Variants in DMXL1 observed in about 807,000 individuals in gnomAD.
The protein encoded by DMXL1 is Dmx like 1.
A neutral mutation model predicts 319.2 loss-of-function variants in DMXL1; 99 were observed. That is an observed-to-expected ratio of 0.31 (90% CI 0.26 to 0.37). The LOEUF (loss-of-function observed/expected upper bound fraction) is 0.37. DMXL1 is among the 10% of genes least tolerant of loss of function. The pLI, the probability that DMXL1 is intolerant of heterozygous loss-of-function variation, is 1.00. For synonymous variants in DMXL1, 1,385 were observed against 1,235.2 expected, an observed-to-expected ratio of 1.12 and a Z score of -2.54; for missense variants, 3,745 against 3,595.6, an observed-to-expected ratio of 1.04 and a Z score of -1.06.
intron 25 of DMXL1, among the ~76,000 whole-genome samples, chr5:119,174,771 T>C (rs1398383357): frequency 6.6e-6 from 1 of 151,534 alleles, no homozygotes; most frequent in African/African-American, 2.4e-5. Context: ...CTGCCTTTTA[T>C]ACCTTATATC....
Position 119,148,947 on chromosome 5 carries a change from A to G in DMXL1, c.3120A>G (p.Ile1040Met). Residue 1040 changes from isoleucine to methionine, a missense_variant, in exon 18 of 44, where the codon ATA (isoleucine) becomes ATG (methionine). Coordinates refer to ENST00000539542, the MANE Select transcript of DMXL1 (RefSeq NM_001290321.3). Reference protein sequence around the residue: ...IEDGLQSNSSITVPGRPVEVS... With the variant: ...IEDGLQSNSSMTVPGRPVEVS... ...ATGGACTTCAGAGCAATAGTAGTAT[A>G]ACTGTACCTGGTAGGCCTGTAGAAG... 1 of 1,613,952 alleles carries G rather than the reference A, an allele frequency of 6.2e-7. No homozygotes were observed. Among genetic ancestry groups the G allele is most frequent in the Non-Finnish European group, 8.5e-7 (1 of 1,179,848 alleles).
At chr5:119,171,701 A>G in intron 24 of DMXL1, 77 bp from the exon 25 acceptor site, 1 of 1,186,870 alleles carries the variant, frequency 8.4e-7, no homozygotes, top group Non-Finnish European at 1.2e-6. Context: ...AGTGTTTTAA[A>G]GAGCCCTTGA....
At chr5:119,075,096 G>C (rs1326755539) in intron 1 of DMXL1, among the ~76,000 whole-genome samples, 1 of 152,078 alleles carries the variant, frequency 6.6e-6, no homozygotes, top group Non-Finnish European at 1.5e-5. Flanking sequence ...ACAATAGAAA[G>C]TACTTCATAA....
At chr5:119,245,811 G>A (rs1341151612) in intron 43 of DMXL1, among the ~76,000 whole-genome samples, 1 of 151,856 alleles carries the variant, frequency 6.6e-6, no homozygotes, top group Non-Finnish European at 1.5e-5. Flanking sequence ...CAAAGTGCTG[G>A]GATTACAGTT....
Position 119,129,402 on chromosome 5 carries a change from G to GC in DMXL1, c.1295dup (p.Asp433ArgfsTer5). On this transcript the variant is annotated frameshift_variant, in exon 10 of 44. Transcript: ENST00000539542. LOFTEE classifies it high-confidence loss of function. The stretch of plus-strand genomic sequence containing the variant: ...GGCCAGTGTAGAAGATTCTAATCAG[G>GC]CAGATGTAAAATCTGATGAAGGTAA... 1.2e-6 allele frequency: 2 copies of GC among 1,608,702 alleles called. No individual in the cohort carries two copies. The highest frequency in any genetic ancestry group is 1.7e-6 in the Non-Finnish European group (2 of 1,178,504).
intron 4 of DMXL1, among the ~76,000 whole-genome samples, chr5:119,108,319 G>A (rs910514167): frequency 2.6e-5 from 4 of 152,316 alleles, no homozygotes; most frequent in Non-Finnish European, 5.9e-5. Context: ...TTGTATGGAT[G>A]ATAGCACGGC....
intron 21 of DMXL1, among the ~76,000 whole-genome samples, chr5:119,166,195 A>C (rs1407354842): frequency 6.6e-6 from 1 of 152,196 alleles, no homozygotes; most frequent in African/African-American, 2.4e-5. Context: ...CACGATAACA[A>C]ATCGGTTTTC....
At chr5:119,107,833 C>A (rs1758694222) in intron 4 of DMXL1, among the ~76,000 whole-genome samples, 1 of 152,096 alleles carries the variant, frequency 6.6e-6, no homozygotes, top group Admixed American at 6.5e-5. Flanking sequence ...AGTTGCTCTA[C>A]TATTTATTGA....
chr5:119,204,408 A>C (rs541821066), intron 33 of DMXL1, among the ~76,000 whole-genome samples: 1 of 152,282 alleles, frequency 6.6e-6, no homozygotes, highest in East Asian at 1.9e-4. Context: ...CAAAGTGCTG[A>C]GATTACAGGC....
At chr5:119,120,502 A>C (rs1210236527) in intron 8 of DMXL1, among the ~76,000 whole-genome samples, 1 of 152,234 alleles carries the variant, frequency 6.6e-6, no homozygotes, top group Non-Finnish European at 1.5e-5. Context: ...GCCTCATGGC[A>C]TCAAATGGGA....
chr5:119,153,017 C>A (rs140764679), intron 19 of DMXL1, among the ~76,000 whole-genome samples: 8 of 151,698 alleles, frequency 5.3e-5, no homozygotes, highest in Non-Finnish European at 1.0e-4. Flanking sequence ...TGCTCTGTCA[C>A]CCAGGCTGGA....
intron 3 of DMXL1, chr5:119,102,298 G>T: frequency 4.2e-6 from 1 of 238,450 alleles, no homozygotes; most frequent in South Asian, 6.6e-5. Context: ...TTTATTGCTA[G>T]TATCAAATAC....
intron 5 of DMXL1, among the ~76,000 whole-genome samples, chr5:119,112,194 C>T (rs1039848534): frequency 5.3e-5 from 8 of 152,316 alleles, no homozygotes; most frequent in African/African-American, 1.9e-4. Context: ...ATCTCCTGAC[C>T]TCGTGATCTG....
At chr5:119,238,671 T>C (rs1788195856) in intron 40 of DMXL1, among the ~76,000 whole-genome samples, 1 of 152,190 alleles carries the variant, frequency 6.6e-6, no homozygotes, top group Non-Finnish European at 1.5e-5. Flanking sequence ...GCAAAGAGAT[T>C]CATAACGGGT....
chr5:119,211,841 T>A (rs921037157), intron 34 of DMXL1, among the ~76,000 whole-genome samples: 1 of 152,168 alleles, frequency 6.6e-6, no homozygotes, highest in African/African-American at 2.4e-5. Context: ...CTGTATGACC[T>A]TTCACTTCTT....
In DMXL1 at chr5:119,193,843, TCTC is replaced by T; in HGVS notation, c.7331_7333del (p.Ser2444_Gln2445delinsTer). The stretch of plus-strand genomic sequence containing the variant: ...TTTATTTTAGCCTTTTCTACCCTCT[TCTC>T]AAAGTAGAGCCGAATATGATTCAGA... On this transcript the variant is annotated stop_gained and inframe_deletion, in exon 30 of 44. Coordinates refer to ENST00000539542, the MANE Select transcript of DMXL1 (RefSeq NM_001290321.3). LOFTEE classifies it high-confidence loss of function. The T allele has an allele frequency of 1.2e-6, 2 of 1,612,598 alleles. No individual in the cohort carries two copies. The highest frequency in any genetic ancestry group is 1.7e-6 in the Non-Finnish European group (2 of 1,179,474).
At position 119,175,240 on chromosome 5, in the gene DMXL1, A is replaced by G. The variant is rs528876349; in HGVS notation, c.6682-21A>G. The G allele has an allele frequency of 1.3e-4, 214 of 1,588,874 alleles. 4 individuals are homozygous for G. The South Asian group carries it at 2.1e-3, about 15-fold the overall frequency. The stretch of plus-strand genomic sequence containing the variant: ...ACTTTAAAAAGGTTATACTTAAAGT[A>G]ATTTTGTTTTTGTTTTCCAGGTGTA... On this transcript the variant is annotated intron_variant, in intron 25 of 43. Coordinates refer to ENST00000539542, the MANE Select transcript of DMXL1 (RefSeq NM_001290321.3).
chr5:119,115,577 T>A (rs1760663026), intron 6 of DMXL1, among the ~76,000 whole-genome samples: 1 of 152,198 alleles, frequency 6.6e-6, no homozygotes, highest in African/African-American at 2.4e-5. Flanking sequence ...TCTGATTGAC[T>A]TTACAGGTGG....
Position 119,121,100 on chromosome 5 carries a change from T to G in DMXL1, c.1063T>G (p.Cys355Gly). Residue 355 changes from cysteine to glycine, a missense_variant, in exon 9 of 44, where the codon TGC becomes GGC. Transcript: ENST00000539542. ...CACTCCACTGCATGCCAATGCACTTTGCCACTTTCATATTGCAGCCAGCAT... is the reference window on the plus strand; with the variant it reads ...CACTCCACTGCATGCCAATGCACTTGGCCACTTTCATATTGCAGCCAGCAT... ...RNTPLHANALCHFHIAASINP... is the reference protein window; with the variant it reads ...RNTPLHANALGHFHIAASINP... 6.2e-7 allele frequency: 1 copy of G among 1,608,722 alleles called. No individual in the cohort carries two copies. Among genetic ancestry groups the G allele is most frequent in the African/African-American group, 1.3e-5 (1 of 74,828 alleles).
Sources: gnomAD v4.1 joint callset for allele counts (sites outside exome capture counted in the v4.1 genomes callset) on GRCh38, gnomAD v4.1.1 for gene constraint, MANE v1.5 for transcripts, NCBI Gene and HGNC (gene_info 2026-07-23, HGNC 2026-07-21) for gene names.